OLFM3: variants seen among roughly 807,000 people sequenced by gnomAD.
OLFM3 encodes noelin-3.
Under a neutral mutation model 48.6 loss-of-function variants are expected in OLFM3, and 20 were observed. That is an observed-to-expected ratio of 0.41 (90% CI 0.29 to 0.60). The LOEUF (loss-of-function observed/expected upper bound fraction) is 0.60. Ranked by LOEUF, OLFM3 falls within the 20% of genes least tolerant of loss-of-function variation. OLFM3 has a pLI of 0.28. For missense variants in OLFM3, 437 were observed against 544.3 expected, an observed-to-expected ratio of 0.80 and a Z score of 1.96; for synonymous variants, 222 against 198.1, an observed-to-expected ratio of 1.12 and a Z score of -1.01.
At chr1:101,823,282 G>C (rs966292971) in intron 4 of OLFM3, among the ~76,000 whole-genome samples, 1 of 152,044 alleles carries the variant, frequency 6.6e-6, no homozygotes, top group African/African-American at 2.4e-5. Flanking sequence ...TCAGGATTTG[G>C]AAGTGCCTAG....
chr1:101,941,716 A>G (rs988706220), intron 1 of OLFM3, among the ~76,000 whole-genome samples: 4 of 152,206 alleles, frequency 2.6e-5, no homozygotes, highest in African/African-American at 4.8e-5. Context: ...TAACTCAGGT[A>G]TCTCTTTATC....
intron 1 of OLFM3, among the ~76,000 whole-genome samples, chr1:101,971,018 G>C (rs1428261640): frequency 1.3e-5 from 2 of 152,202 alleles, no homozygotes; most frequent in Non-Finnish European, 2.9e-5. Context: ...CCATATAAAG[G>C]AGTTTAGGTT....
intron 1 of OLFM3, among the ~76,000 whole-genome samples, chr1:101,881,918 G>T (rs1314507467): frequency 6.6e-6 from 1 of 150,986 alleles, no homozygotes; most frequent in Non-Finnish European, 1.5e-5. Context: ...ACCTCTCTTT[G>T]CCTGTAGGGT....
chr1:101,985,639 T>C (rs1482653560), intron 1 of OLFM3, among the ~76,000 whole-genome samples: 3 of 152,192 alleles, frequency 2.0e-5, no homozygotes, highest in African/African-American at 7.2e-5. Context: ...TCTTTTGCTT[T>C]AACTTTCATA....
At chr1:101,973,335 T>C (rs568476417) in intron 1 of OLFM3, among the ~76,000 whole-genome samples, 12 of 152,306 alleles carry the variant, frequency 7.9e-5, no homozygotes, top group African/African-American at 2.9e-4. Context: ...CAGGAGAGCA[T>C]AGATGTTCCA....
rs187258102 is a variant in OLFM3 at position 101,836,756 on chromosome 1, T to C, written c.216+123A>G. 3,193 of 963,796 alleles carry C rather than the reference T, an allele frequency of 3.3e-3. 9 individuals carry two copies. The highest frequency in any genetic ancestry group is 4.3e-3 in the Non-Finnish European group (2,756 of 633,744). The allele number at this position is 963,796 out of a possible 1,614,324, so 59.7% of individuals were successfully genotyped here. A position where few individuals can be genotyped will look rare whatever the true frequency, so the allele number is the denominator to read the frequency against. ...CCTTTCAAGGATCAGAAAAAAAAGCTTATCTGAGAAGGGGGACAAAAATCA... is the reference window on the plus strand; with the variant it reads ...CCTTTCAAGGATCAGAAAAAAAAGCCTATCTGAGAAGGGGGACAAAAATCA... On this transcript the variant is annotated intron_variant, in intron 2 of 5. Transcript: ENST00000370103.
At chr1:101,951,202 A>G (rs1469051527) in intron 1 of OLFM3, among the ~76,000 whole-genome samples, 4 of 152,196 alleles carry the variant, frequency 2.6e-5, no homozygotes, top group Admixed American at 2.6e-4. Context: ...ACCATCACAA[A>G]CATATATTTT....
chr1:101,858,267 G>A (rs1344711346), intron 1 of OLFM3, among the ~76,000 whole-genome samples: 1 of 151,940 alleles, frequency 6.6e-6, no homozygotes, highest in East Asian at 1.9e-4. Flanking sequence ...AATATATGTA[G>A]AATTATTTGA....
At chr1:101,928,744 A>G (rs141945258) in intron 1 of OLFM3, among the ~76,000 whole-genome samples, 439 of 152,260 alleles carry the variant, frequency 2.9e-3, no homozygotes, top group Non-Finnish European at 5.6e-3. Flanking sequence ...GGCACTACAT[A>G]CACTTTCTAA....
chr1:101,924,608 T>C (rs1215716510), intron 1 of OLFM3, among the ~76,000 whole-genome samples: 2 of 152,222 alleles, frequency 1.3e-5, no homozygotes, highest in Non-Finnish European at 2.9e-5. Context: ...GACAATTCTA[T>C]GCAACACTGT....
intron 1 of OLFM3, among the ~76,000 whole-genome samples, chr1:101,976,541 C>A (rs1384548980): frequency 6.6e-6 from 1 of 152,168 alleles, no homozygotes; most frequent in Non-Finnish European, 1.5e-5. Flanking sequence ...TTGTTTCTGT[C>A]TTGCTGTGTT....
rs1312007472 is a variant in OLFM3 at position 101,803,212 on chromosome 1, A to G, written c.*1026T>C. ...GTGCTTATTTTCAGGGTCCTGACAT[A>G]AGGAATTTCATTATTGCAAGTTGTA... is the stretch of plus-strand genomic sequence containing the variant. On this transcript the variant is annotated 3_prime_UTR_variant, in exon 6 of 6. Transcript: ENST00000370103. 6.6e-6 allele frequency: 1 copy of G among 152,082 alleles called. No individual in the cohort carries two copies. Among genetic ancestry groups the G allele is most frequent in the Non-Finnish European group, 1.5e-5 (1 of 67,744 alleles). 9.4% of individuals were successfully genotyped at this position (152,082 alleles called of 1,614,324 possible). A position where few individuals can be genotyped will look rare whatever the true frequency, so the allele number is the denominator to read the frequency against.
At chr1:101,816,697 A>AT (rs1654353037) in intron 4 of OLFM3, among the ~76,000 whole-genome samples, 1 of 152,100 alleles carries the variant, frequency 6.6e-6, no homozygotes, top group Non-Finnish European at 1.5e-5. Flanking sequence ...GAAGCTTGAC[A>AT]TTTTTTCATT....
intron 1 of OLFM3, among the ~76,000 whole-genome samples, chr1:101,850,402 A>C (rs1196385582): frequency 6.6e-6 from 1 of 152,140 alleles, no homozygotes; most frequent in Non-Finnish European, 1.5e-5. Flanking sequence ...AGTAAATAAT[A>C]AATAAGCAAA....
intron 1 of OLFM3, among the ~76,000 whole-genome samples, chr1:101,859,118 T>C (rs769517301): frequency 6.6e-6 from 1 of 151,482 alleles, no homozygotes; most frequent in Non-Finnish European, 1.5e-5. Flanking sequence ...GAAAAATGCA[T>C]GATAGGGGGA....
intron 4 of OLFM3, among the ~76,000 whole-genome samples, chr1:101,818,252 T>C (rs1654430379): frequency 6.6e-6 from 1 of 152,004 alleles, no homozygotes. Context: ...GAAATACAGG[T>C]TTTATATTAT....
At chr1:101,983,723 A>G (rs546970959) in intron 1 of OLFM3, among the ~76,000 whole-genome samples, 26 of 152,318 alleles carry the variant, frequency 1.7e-4, no homozygotes, top group South Asian at 1.5e-3. Context: ...GCAATTCTCA[A>G]TTATTTGCAA....
At chr1:101,937,845 C>A (rs553546864) in intron 1 of OLFM3, among the ~76,000 whole-genome samples, 14 of 152,260 alleles carry the variant, frequency 9.2e-5, no homozygotes, top group Admixed American at 7.2e-4. Context: ...TCCTTAATTG[C>A]ATTATCATTA....
intron 1 of OLFM3, among the ~76,000 whole-genome samples, chr1:101,991,019 A>AAAAAAAAAG (rs1557760282): frequency 1.2e-5 from 1 of 82,564 alleles, no homozygotes; most frequent in Non-Finnish European, 2.6e-5. Context: ...AAAAAAAAAT[A>AAAAAAAAAG]TATATATATA....
Sources: gnomAD v4.1 joint callset for allele counts (sites outside exome capture counted in the v4.1 genomes callset) on GRCh38, gnomAD v4.1.1 for gene constraint, MANE v1.5 for transcripts, NCBI Gene and HGNC (gene_info 2026-07-23, HGNC 2026-07-21) for gene names.